RABGEF1: variants seen among roughly 807,000 people sequenced by gnomAD.
RABGEF1 encodes the protein rab5 GDP/GTP exchange factor.
A neutral mutation model predicts 57.3 loss-of-function variants in RABGEF1; 26 were observed. That is an observed-to-expected ratio of 0.45 (90% CI 0.33 to 0.63). RABGEF1 has a LOEUF of 0.63. RABGEF1 is among the 20% of genes least tolerant of loss of function. The pLI is 0.02. For missense variants in RABGEF1, 464 were observed against 607.6 expected (o/e 0.76, Z 2.48); for synonymous variants, 185 against 210.7 (o/e 0.88, Z 1.06).
At chr7:66,797,582 C>T in intron 6 of RABGEF1, 76 bp downstream of exon 6, 2 of 1,496,224 alleles carry the variant, frequency 1.3e-6, no homozygotes, top group Non-Finnish European at 9.1e-7. Context: ...AATAATGCAC[C>T]TGTGTTTCAA....
chr7:66,785,791 G>A (rs1167638946), intron 4 of RABGEF1, among the ~76,000 whole-genome samples: 1 of 152,010 alleles, frequency 6.6e-6, no homozygotes, highest in Non-Finnish European at 1.5e-5. Flanking sequence ...GGAGAATGGC[G>A]TGAACCTGGG....
At position 66,749,699 on chromosome 7, in the gene RABGEF1, C is replaced by T. The variant is rs141983641; in HGVS notation, c.-18+8907C>T. ...TAAAAACAAACAAACAGGCCAGGCA[C>T]GGTGGCTCACACCTGTAATCTCAGC... On this transcript the variant is annotated intron_variant, in intron 1 of 8. Transcript: ENST00000284957. 1.4e-4 allele frequency among the ~76,000 whole-genome samples: 21 copies of T among 152,110 alleles called. 1 individual carries two copies. The highest frequency in any genetic ancestry group is 1.3e-3 in the Admixed American group (20 of 15,272).
chr7:66,771,305 A>AT (rs1807070913), intron 1 of RABGEF1, among the ~76,000 whole-genome samples: 1 of 151,766 alleles, frequency 6.6e-6, no homozygotes. Context: ...CGCCTGGCTA[A>AT]TTTTTTTGTA....
intron 2 of RABGEF1, among the ~76,000 whole-genome samples, chr7:66,718,172 G>A (rs1484428131): frequency 1.3e-5 from 2 of 151,982 alleles, no homozygotes; most frequent in Non-Finnish European, 2.9e-5. Flanking sequence ...GTGAAACCCT[G>A]TCTCTCTACA....
intron 1 of RABGEF1, 112 bp from the exon 2 acceptor site, chr7:66,771,771 C>G: frequency 1.5e-6 from 1 of 688,274 alleles, no homozygotes; most frequent in Non-Finnish European, 2.1e-6. Context: ...CCCTCCATCC[C>G]TCTCTTAACA....
chr7:66,731,511 A>G (rs1327261831), intron 2 of RABGEF1, among the ~76,000 whole-genome samples: 1 of 151,860 alleles, frequency 6.6e-6, no homozygotes, highest in Non-Finnish European at 1.5e-5. Context: ...AAGCACTAGG[A>G]GTTGAGACCA....
At chr7:66,776,063 G>A (rs2129125258) in intron 3 of RABGEF1, among the ~76,000 whole-genome samples, 1 of 152,300 alleles carries the variant, frequency 6.6e-6, no homozygotes, top group East Asian at 1.9e-4. Flanking sequence ...CCAACATGAA[G>A]CAAGAAAGAC....
In RABGEF1 at chr7:66,759,822, G is replaced by A. The variant is rs113014516; in HGVS notation, c.-17-12061G>A. Among the ~76,000 whole-genome samples the A allele has an allele frequency of 2.8e-3, 428 of 152,246 alleles. 1 individual carries two copies. Among genetic ancestry groups the A allele is most frequent in the African/African-American group, 9.9e-3 (412 of 41,526 alleles). ...TTCACAGGCCCCACTTCCAACATTG[G>A]GGATTACAATTCAGCATGACATTTG... On this transcript the variant is annotated intron_variant, in intron 1 of 8. Transcript: ENST00000284957.
At chr7:66,715,338 C>T (rs1795265058) in intron 2 of RABGEF1, among the ~76,000 whole-genome samples, 1 of 152,130 alleles carries the variant, frequency 6.6e-6, no homozygotes, top group South Asian at 2.1e-4. Flanking sequence ...ATTATGTTAC[C>T]TAGGCTAATC....
chr7:66,715,327 C>T (rs1396442035), intron 2 of RABGEF1, among the ~76,000 whole-genome samples: 1 of 152,148 alleles, frequency 6.6e-6, no homozygotes, highest in East Asian at 1.9e-4. Context: ...TACCGTGTCT[C>T]ATTATGTTAC....
chr7:66,769,542 A>C (rs1806566828), intron 1 of RABGEF1, among the ~76,000 whole-genome samples: 3 of 152,124 alleles, frequency 2.0e-5, no homozygotes, highest in African/African-American at 7.2e-5. Context: ...AATAAGAGTG[A>C]GGTTAGAGGG....
At position 66,741,432 on chromosome 7, in the gene RABGEF1, C is replaced by A. The variant is rs748239193; in HGVS notation, c.-18+640C>A. Among the ~76,000 whole-genome samples the A allele has an allele frequency of 6.6e-5, 10 of 152,268 alleles. No homozygotes were observed. In the East Asian group the frequency reaches 7.7e-4, roughly 12 times the overall value. On this transcript the variant is annotated intron_variant, in intron 1 of 8. Transcript: ENST00000284957. ...GCTTCCGAACCGTCTGGGAGGAGAG[C>A]CGAGGGATGCCCATCACGGCAGTTT...
At chr7:66,714,499 T>C (rs745413036) in intron 2 of RABGEF1, among the ~76,000 whole-genome samples, 2 of 152,206 alleles carry the variant, frequency 1.3e-5, no homozygotes, top group Non-Finnish European at 2.9e-5. Context: ...TTTGGGAATT[T>C]TACACATCTT....
intron 8 of RABGEF1, 25 bp from the exon 9 acceptor site, chr7:66,808,861 C>A: frequency 6.6e-7 from 1 of 1,509,256 alleles, no homozygotes. Flanking sequence ...CCTAATATGA[C>A]TGTATTAACG....
chr7:66,799,817 T>A (rs1368705052), intron 7 of RABGEF1, among the ~76,000 whole-genome samples: 1 of 152,150 alleles, frequency 6.6e-6, no homozygotes, highest in South Asian at 2.1e-4. Flanking sequence ...TAAGGCAAGG[T>A]AATCCCCACG....
chr7:66,761,391 G>T (rs1391653670), intron 1 of RABGEF1, among the ~76,000 whole-genome samples: 1 of 152,108 alleles, frequency 6.6e-6, no homozygotes, highest in Non-Finnish European at 1.5e-5. Flanking sequence ...TTGCTGAGGT[G>T]GTTTACAGAA....
chr7:66,768,430 T>C (rs1674472058), intron 1 of RABGEF1, among the ~76,000 whole-genome samples: 1 of 152,254 alleles, frequency 6.6e-6, no homozygotes, highest in African/African-American at 2.4e-5. Context: ...TTATACATTC[T>C]GGGTATGTAA....
chr7:66,773,730 A>T, intron 2 of RABGEF1: 1 of 453,844 alleles, frequency 2.2e-6, no homozygotes, highest in Non-Finnish European at 4.4e-6. Context: ...CAATGGTGCA[A>T]TTTCAACTTA....
intron 1 of RABGEF1, among the ~76,000 whole-genome samples, chr7:66,757,994 A>T: frequency 6.6e-6 from 1 of 152,144 alleles, no homozygotes; most frequent in East Asian, 1.9e-4. Flanking sequence ...CTGGAAAAAA[A>T]ATTTAAGGGA....
Sources: gnomAD v4.1 joint callset for allele counts (sites outside exome capture counted in the v4.1 genomes callset) on GRCh38, gnomAD v4.1.1 for gene constraint, MANE v1.5 for transcripts, NCBI Gene and HGNC (gene_info 2026-07-23, HGNC 2026-07-21) for gene names.